The following MYH3 variants were observed in gnomAD, a reference collection of about 807,000 sequenced individuals.
MYH3 encodes the protein myosin heavy chain 3, also known as myosin-3.
MYH3 carries 130 observed loss-of-function variants against 238.0 expected under a neutral mutation model. That is an observed-to-expected ratio of 0.55 (90% CI 0.47 to 0.63). MYH3 has a LOEUF of 0.63. MYH3 is among the 30% of genes least tolerant of loss of function. The pLI is 0.00. For synonymous variants in MYH3, 880 were observed against 924.1 expected, an observed-to-expected ratio of 0.95 and a Z score of 0.86; for missense variants, 1,853 against 2,374.9, an observed-to-expected ratio of 0.78 and a Z score of 4.57.
chr17:10,642,463 G>A lies in MYH3; in HGVS notation c.1842C>T (p.Ser614=). The A allele has an allele frequency of 6.2e-7, 1 of 1,614,200 alleles. No homozygotes were observed. Among genetic ancestry groups the A allele is most frequent in the Non-Finnish European group, 8.5e-7 (1 of 1,180,032 alleles). Residue 614 remains serine, a synonymous_variant, in exon 16 of 41, where the codon TCC becomes TCT. Coordinates refer to ENST00000583535, the MANE Select transcript of MYH3 (RefSeq NM_002470.4). The surrounding 1 kb of genome is among the most constrained non-coding windows in gnomAD (Gnocchi z 5.4). ...ETVVGLYQKS[S]NRLLAHLYAT... ...CATAGAGGTGTGCCAGGAGCCTGTT[G>A]GAAGACTTCTGGTACAGCCCAACCA...
intron 20 of MYH3, 36 bp downstream of exon 20, chr17:10,640,527 C>A (rs186223195): frequency 6.2e-7 from 1 of 1,614,176 alleles, no homozygotes; most frequent in South Asian, 1.1e-5. Flanking sequence ...GTCAAGAGGA[C>A]GAAAAGGCCA....
chr17:10,642,334 G>A lies in MYH3; in HGVS notation c.1889-24C>T, dbSNP rs201836592. On this transcript the variant is annotated intron_variant, in intron 16 of 40. Coordinates refer to ENST00000583535, the MANE Select transcript of MYH3 (RefSeq NM_002470.4). This position sits in a 1 kb window ranked among gnomAD's most constrained non-coding sequence, Gnocchi z 5.4. ...AGCTGAAAGCAATAAGGGAGGGCACGTGCTGTAGGTGAATCTAAAAGGTTT... is the reference window on the plus strand; with the variant it reads ...AGCTGAAAGCAATAAGGGAGGGCACATGCTGTAGGTGAATCTAAAAGGTTT... The A allele has an allele frequency of 3.9e-4, 632 of 1,613,762 alleles. No individual in the cohort carries two copies. The highest frequency in any genetic ancestry group is 1.1e-3 in the Admixed American group (65 of 60,006).
rs1567555735 is a variant in MYH3, at chr17:10,639,126, ATT to A, written c.3164_3165del (p.Lys1055IlefsTer18). 1.2e-6 allele frequency: 2 copies of A among 1,613,986 alleles called. No individual in the cohort carries two copies. The highest frequency in any genetic ancestry group is 1.7e-6 in the Non-Finnish European group (2 of 1,179,926). On this transcript the variant is annotated frameshift_variant, in exon 25 of 41. Transcript: ENST00000583535. LOFTEE classifies it high-confidence loss of function. ...LRVDLERNKR[K>X]LEGDLKLAQE... is the part of the protein sequence containing the mutation. ...TGAGCAAGCTTCAAGTCTCCTTCCA[ATT>A]TCCTTTTGTTCCTTTCCAGGTCTAC...
rs756833381 is a variant in MYH3, at chr17:10,641,098, C to A, written c.2152G>T (p.Asp718Tyr). The change falls in exon 19 of 41, where the codon GAT becomes TAT. Residue 718 changes from aspartate (D) to tyrosine (Y), a missense_variant. Asp to Tyr is a radical substitution (Grantham distance 160). This residue lies in a region of MYH3 where 678 missense variants were observed against 1,058.9 expected (regional missense o/e 0.64). Coordinates refer to ENST00000583535, the MANE Select transcript of MYH3 (RefSeq NM_002470.4). The stretch of plus-strand genomic sequence containing the variant: ...TTTATTACACACCTTTGTTTAAAAT[C>A]GCCATAGAGAATCCTGTTTGGGAAC... ...KGFPNRILYG[D>Y]FKQRYRVLNA... is the part of the protein sequence containing the mutation. 6.2e-7 allele frequency: 1 copy of A among 1,606,556 alleles called. No individual in the cohort carries two copies. The highest frequency in any genetic ancestry group is 2.2e-5 in the East Asian group (1 of 44,860).
the MYH3 span, among the ~76,000 whole-genome samples, chr17:10,666,446 T>C: frequency 7.4e-6 from 1 of 134,406 alleles, no homozygotes; most frequent in Non-Finnish European, 1.6e-5. Context: ...TGGTGGTGCA[T>C]GCCTACAGTC....
At chr17:10,637,786 C>T (rs574553850) in intron 28 of MYH3, 23 bp downstream of exon 28, 29 of 1,613,738 alleles carry the variant, frequency 1.8e-5, no homozygotes, top group South Asian at 5.5e-5. Context: ...TTTGGCCCCA[C>T]GGGTTTTCTG....
the MYH3 span, among the ~76,000 whole-genome samples, chr17:10,669,981 C>T: frequency 2.0e-5 from 3 of 152,122 alleles, no homozygotes; most frequent in Non-Finnish European, 4.4e-5. Flanking sequence ...TGATTTAAGG[C>T]ACAAGAGAGA....
rs760426779 is a variant in MYH3 at position 10,639,487 on chromosome 17, C to T, written c.2926-13G>A. 13 of 1,613,888 alleles carry T rather than the reference C, an allele frequency of 8.1e-6. No individual in the cohort carries two copies. The East Asian group carries it at 1.1e-4, about 14-fold the overall frequency. On this transcript the variant is annotated splice_polypyrimidine_tract_variant and intron_variant, in intron 23 of 40. Coordinates refer to ENST00000583535, the MANE Select transcript of MYH3 (RefSeq NM_002470.4). The stretch of plus-strand genomic sequence containing the variant: ...TAAGGTTTTTAACCTAAGAAGAATT[C>T]GCAAGCAATTATAAGCTTAAAGTTT...
Position 10,647,131 on chromosome 17 carries a change from T to G in MYH3, c.898+51A>C, listed in dbSNP as rs1235109375. ...GTAGATACAACTCTCCTTGGTCTAG[T>G]GATCAGAGTCAAACTACCTAAAAGA... On this transcript the variant is annotated intron_variant, in intron 10 of 40. Transcript: ENST00000583535. 2.3e-6 allele frequency: 3 copies of G among 1,324,824 alleles called. No individual in the cohort carries two copies. In the East Asian group the frequency reaches 6.9e-5, roughly 30 times the overall value. The allele number at this position is 1,324,824 out of a possible 1,614,324, so 82.1% of individuals were successfully genotyped here. A position where few individuals can be genotyped will look rare whatever the true frequency, so the allele number is the denominator to read the frequency against.
the MYH3 span, among the ~76,000 whole-genome samples, chr17:10,669,584 A>G: frequency 1.4e-5 from 2 of 144,894 alleles, no homozygotes; most frequent in Non-Finnish European, 3.1e-5. Context: ...AAAAAAAAAA[A>G]GAGGAGTTGA....
chr17:10,645,601 G>A, intron 12 of MYH3, 106 bp downstream of exon 12: 3 of 1,418,422 alleles, frequency 2.1e-6, no homozygotes, highest in Admixed American at 1.7e-5. Flanking sequence ...GGGATTACAG[G>A]TGTGAGCCAC....
At chr17:10,634,209 C>T (rs199542269) in intron 31 of MYH3, 27 bp from the exon 32 acceptor site, 65 of 1,613,586 alleles carry the variant, frequency 4.0e-5, no homozygotes, top group Admixed American at 6.7e-5. Context: ...AAGTTCTCTC[C>T]GTTTCTGAGC....
intron 6 of MYH3, 139 bp downstream of exon 6, chr17:10,650,235 C>T: frequency 1.3e-6 from 1 of 772,430 alleles, no homozygotes; most frequent in Admixed American, 2.2e-5. Context: ...CTCAGCCTAC[C>T]AAAGTGCTGG....
upstream of MYH3, among the ~76,000 whole-genome samples, chr17:10,662,185 C>G (rs545894761): frequency 1.3e-5 from 2 of 152,194 alleles, no homozygotes; most frequent in South Asian, 4.2e-4. Flanking sequence ...CCATGCCAGG[C>G]TAATTTTTGT....
At chr17:10,675,388 A>G in the MYH3 span, 3 of 152,238 alleles carry the variant, frequency 2.0e-5, no homozygotes, top group Admixed American at 6.5e-5. Context: ...GAGCTGTCCA[A>G]TGCATTCTCC....
intron 12 of MYH3, 105 bp downstream of exon 12, chr17:10,645,602 T>A: frequency 7.1e-7 from 1 of 1,415,148 alleles, no homozygotes; most frequent in Non-Finnish European, 9.9e-7. Flanking sequence ...GGATTACAGG[T>A]GTGAGCCACT....
chr17:10,660,568 T>C (rs995812628), upstream of MYH3, among the ~76,000 whole-genome samples: 2 of 151,840 alleles, frequency 1.3e-5, no homozygotes, highest in African/African-American at 4.8e-5. Context: ...TCCCAGCTAC[T>C]TGGGAGGCTG....
the MYH3 span, among the ~76,000 whole-genome samples, chr17:10,668,931 T>G: frequency 6.6e-6 from 1 of 152,232 alleles, no homozygotes; most frequent in African/African-American, 2.4e-5. Context: ...AACTTTCACA[T>G]AGCAAAGATT....
At chr17:10,630,231 G>A (rs746870492) in intron 37 of MYH3, 35 bp from the exon 38 acceptor site, 14 of 1,614,012 alleles carry the variant, frequency 8.7e-6, no homozygotes, top group Non-Finnish European at 1.2e-5. Flanking sequence ...GTCTGGGGCT[G>A]CAGCGTGATT....
Sources: gnomAD v4.1 joint callset for allele counts (sites outside exome capture counted in the v4.1 genomes callset) on GRCh38, gnomAD v4.1.1 for gene constraint, gnomAD v4.1.1 regional missense constraint, Gnocchi (gnomAD v3.1) non-coding constraint, MANE v1.5 for transcripts, NCBI Gene and HGNC (gene_info 2026-07-23, HGNC 2026-07-21) for gene names.